MIA2: variants seen among roughly 807,000 people sequenced by gnomAD.
The protein encoded by MIA2 is MIA SH3 domain ER export factor 2, also known as melanoma inhibitory activity protein 2.
A neutral mutation model predicts 167.8 loss-of-function variants in MIA2; 127 were observed. The ratio of observed to expected loss-of-function variants is 0.76; its 90% CI spans 0.66 to 0.88. MIA2 has a LOEUF of 0.88. Among genes scored for constraint, MIA2 ranks in the 40% least tolerant of loss-of-function variants. The probability of loss-of-function intolerance (pLI) is 0.00; values close to 1 mark genes in which losing one functional copy is unlikely to be tolerated. For missense variants in MIA2, 1,690 were observed against 1,624.7 expected (o/e 1.04, Z -0.69); for synonymous variants, 552 against 541.9 (o/e 1.02, Z -0.26).
chr14:39,378,368 A>ACATCAGCT (rs2075086011), intron 23 of MIA2, among the ~76,000 whole-genome samples: 1 of 152,240 alleles, frequency 6.6e-6, no homozygotes, highest in Non-Finnish European at 1.5e-5. Flanking sequence ...CCTCATGAAT[A>ACATCAGCT]CATCAGCTCT....
intron 25 of MIA2, among the ~76,000 whole-genome samples, chr14:39,336,599 C>G (rs1160066947): frequency 3.3e-5 from 5 of 152,188 alleles, no homozygotes. Flanking sequence ...TACAATGTAT[C>G]TGTTCATCTA....
In MIA2 at chr14:39,275,139, T is replaced by TTG. The variant is rs67380839; in HGVS notation, c.1888-1769_1888-1768dup. Among the ~76,000 whole-genome samples, 916 of 126,704 alleles carry TTG rather than the reference T, an allele frequency of 7.2e-3. 8 individuals carry two copies. The highest frequency in any genetic ancestry group is 0.028 in the Middle Eastern group (7 of 250). The allele number at this position is 126,704 out of a possible 152,430, so 83.1% of individuals were successfully genotyped here. A position where few individuals can be genotyped will look rare whatever the true frequency, so the allele number is the denominator to read the frequency against. On this transcript the variant is annotated intron_variant, in intron 6 of 28. Transcript: ENST00000640607. ...TTAATTTCCATGTTTCCTTAATCCT[T>TTG]TGTGTGTGTGTGTGTGTGTGTGTGT...
At chr14:39,308,391 T>C in intron 17 of MIA2, 58 bp from the exon 18 acceptor site, 1 of 1,064,696 alleles carries the variant, frequency 9.4e-7, no homozygotes. Flanking sequence ...CTTTCTGAAA[T>C]GTTAATATGC....
At chr14:39,283,654 A>G (rs182049302) in intron 9 of MIA2, among the ~76,000 whole-genome samples, 31 of 152,214 alleles carry the variant, frequency 2.0e-4, no homozygotes, top group Admixed American at 6.5e-4. Context: ...CCACACCTTC[A>G]CAAATACTTG....
At chr14:39,342,009 T>A (rs1009933161) in intron 25 of MIA2, among the ~76,000 whole-genome samples, 1 of 152,064 alleles carries the variant, frequency 6.6e-6, no homozygotes, top group African/African-American at 2.4e-5. Context: ...CAACACAAAT[T>A]GAGATTTAAA....
rs2073709718 is a variant in MIA2 at position 39,347,867 on chromosome 14, G to C, written c.3837+96G>C. 6 of 1,185,342 alleles carry C rather than the reference G, an allele frequency of 5.1e-6. No individual in the cohort carries two copies. The South Asian group carries it at 9.0e-5, about 18-fold the overall frequency. 73.4% of individuals were successfully genotyped at this position (1,185,342 alleles called of 1,614,324 possible). On this transcript the variant is annotated intron_variant, in intron 27 of 28. Coordinates refer to ENST00000640607, the MANE Select transcript of MIA2 (RefSeq NM_001329214.4). ...ATGGAGTTTCACTATTGTTGCCCAA[G>C]CTGGAGTGCAGTGGCGCTATCTCGG...
intron 23 of MIA2, among the ~76,000 whole-genome samples, chr14:39,367,196 G>C (rs2074840119): frequency 6.6e-6 from 1 of 152,162 alleles, no homozygotes; most frequent in Non-Finnish European, 1.5e-5. Flanking sequence ...CCTATCCTTG[G>C]GGTGCAGGAT....
At chr14:39,339,833 T>TGGGG (rs546247703) in intron 25 of MIA2, among the ~76,000 whole-genome samples, 34 of 152,138 alleles carry the variant, frequency 2.2e-4, no homozygotes, top group Non-Finnish European at 4.3e-4. Flanking sequence ...TTAAAATTTA[T>TGGGG]TTAATTTTCT....
At chr14:39,366,233 G>A (rs2074819593) in intron 23 of MIA2, among the ~76,000 whole-genome samples, 1 of 152,166 alleles carries the variant, frequency 6.6e-6, no homozygotes, top group Non-Finnish European at 1.5e-5. Context: ...TGAGCTGAGT[G>A]TGCCTGTCCT....
intron 23 of MIA2, among the ~76,000 whole-genome samples, chr14:39,383,914 TAAAG>T (rs1181773497): frequency 6.6e-6 from 1 of 152,162 alleles, no homozygotes; most frequent in East Asian, 1.9e-4. Context: ...GAGGTTTAGA[TAAAG>T]AAGTCATCTC....
At chr14:39,280,673 A>C (rs1023889297) in intron 9 of MIA2, among the ~76,000 whole-genome samples, 1 of 152,208 alleles carries the variant, frequency 6.6e-6, no homozygotes, top group South Asian at 2.1e-4. Context: ...CGGAGCTTGC[A>C]GTGAGCCGAG....
chr14:39,294,188 G>GTT, intron 12 of MIA2, 117 bp downstream of exon 12: 2 of 624,754 alleles, frequency 3.2e-6, no homozygotes, highest in Non-Finnish European at 2.6e-6. Context: ...TCCCAGATAT[G>GTT]TATTTTTTTT....
rs71435655 is a variant in MIA2 at position 39,379,142 on chromosome 14, A to ATT, written c.2249-7733_2249-7732dup. ...ATAAACCTTTTTATAGTCTTTTATA[A>ATT]TTTTTTTTTTTGGTTAAAAAGTGGG... On this transcript the variant is annotated intron_variant, in intron 23 of 23. Transcript: ENST00000341502. Among the ~76,000 whole-genome samples the ATT allele has an allele frequency of 9.4e-5, 14 of 148,862 alleles. No homozygotes were observed. In the South Asian group the frequency reaches 2.3e-3, roughly 25 times the overall value.
intron 6 of MIA2, among the ~76,000 whole-genome samples, chr14:39,255,153 A>G (rs2054762722): frequency 6.6e-6 from 1 of 152,108 alleles, no homozygotes; most frequent in African/African-American, 2.4e-5. Flanking sequence ...AAGCTTAGAG[A>G]AATCATTAAT....
At chr14:39,309,293 C>CA (rs2063831282) in intron 18 of MIA2, among the ~76,000 whole-genome samples, 1 of 152,182 alleles carries the variant, frequency 6.6e-6, no homozygotes. Flanking sequence ...CTCTCGTGCT[C>CA]AAAATCCCTG....
chr14:39,261,300 C>G (rs973683765), intron 6 of MIA2, among the ~76,000 whole-genome samples: 2 of 152,140 alleles, frequency 1.3e-5, no homozygotes, highest in Non-Finnish European at 2.9e-5. Flanking sequence ...TCATCCATGT[C>G]CCTACAAAGG....
intron 24 of MIA2, among the ~76,000 whole-genome samples, chr14:39,325,589 G>C (rs573440322): frequency 1.6e-4 from 24 of 150,954 alleles, no homozygotes; most frequent in South Asian, 2.1e-4. Context: ...GGATGGTCTC[G>C]ATCTCCTGAC....
chr14:39,331,312 A>G (rs887415088), intron 25 of MIA2, among the ~76,000 whole-genome samples: 20 of 151,978 alleles, frequency 1.3e-4, no homozygotes, highest in Non-Finnish European at 7.4e-5. Context: ...TGCTTGGTAA[A>G]TCTTCCTCCA....
intron 6 of MIA2, among the ~76,000 whole-genome samples, chr14:39,258,913 C>G (rs2054942786): frequency 6.6e-6 from 1 of 152,234 alleles, no homozygotes; most frequent in African/African-American, 2.4e-5. Flanking sequence ...CCAGTGGAGG[C>G]TGCACAACAG....
Sources: gnomAD v4.1 joint callset for allele counts (sites outside exome capture counted in the v4.1 genomes callset) on GRCh38, gnomAD v4.1.1 for gene constraint, MANE v1.5 for transcripts, NCBI Gene and HGNC (gene_info 2026-07-23, HGNC 2026-07-21) for gene names.